Variants in STK36 observed in about 807,000 individuals in gnomAD.
STK36 encodes serine/threonine kinase 36.
A neutral mutation model predicts 142.2 loss-of-function variants in STK36; 116 were observed. The observed-to-expected ratio is 0.82, with a 90% CI of 0.70 to 0.95. STK36 has a LOEUF of 0.95. Among genes scored for constraint, STK36 ranks in the 40% least tolerant of loss-of-function variants. STK36 has a pLI of 0.00. For missense variants in STK36, 1,422 were observed against 1,617.2 expected (o/e 0.88, Z 2.07); for synonymous variants, 619 against 641.7 (o/e 0.96, Z 0.53).
intron 11 of STK36, 33 bp from the exon 12 acceptor site, chr2:218,688,664 T>C: frequency 1.3e-6 from 2 of 1,596,136 alleles, no homozygotes; most frequent in South Asian, 2.3e-5. Context: ...TCTGAAAATA[T>C]CAATCGTTGC....
At chr2:218,685,318 T>G in intron 11 of STK36, 90 bp downstream of exon 11, 1 of 1,532,866 alleles carries the variant, frequency 6.5e-7, no homozygotes, top group Non-Finnish European at 8.9e-7. Context: ...AAAGAGAAAG[T>G]TTGTCCTTTT....
Position 218,675,354 on chromosome 2 carries a change from T to C in STK36, c.315T>C (p.Ile105=), listed in dbSNP as rs752108232. The C allele has an allele frequency of 6.2e-7, 1 of 1,613,320 alleles. No individual in the cohort carries two copies. ...TCTTTAATTTCTAGGTTCAGGCCAT[T>C]GCTGCCCAGTTGGTGTCAGCCCTGT... ...GKLPEDQVQA[I]AAQLVSALYY... is the part of the protein sequence containing the mutation. The change falls in exon 5 of 27, where the codon ATT becomes ATC. Residue 105 remains isoleucine (I), a synonymous_variant. Coordinates refer to ENST00000295709, the MANE Select transcript of STK36 (RefSeq NM_015690.5).
rs1478433792 is a variant in STK36 at position 218,694,636 on chromosome 2, G to A, written c.2511+1G>A. 1 of 1,613,640 alleles carries A rather than the reference G, an allele frequency of 6.2e-7. No homozygotes were observed. The highest frequency in any genetic ancestry group is 8.5e-7 in the Non-Finnish European group (1 of 1,179,616). On this transcript the variant is annotated splice_donor_variant, in intron 21 of 26. Transcript: ENST00000295709. LOFTEE classifies it high-confidence loss of function. The surrounding 1 kb of genome is among the most constrained non-coding windows in gnomAD (Gnocchi z 4.4). The stretch of plus-strand genomic sequence containing the variant: ...ACATGCCTTGTCTGCCCCTGCAGAG[G>A]TGAGGCCCCCCAGGGAGGGCACAGA...
chr2:218,676,619 C>CT lies in STK36; in HGVS notation c.684+356dup, dbSNP rs779049295. ...ATAGAGAAAGGAAAGGTGCTACACG[C>CT]TTTTTTTTTTTTTTTGAGACACAGT... On this transcript the variant is annotated intron_variant, in intron 6 of 26. Transcript: ENST00000295709. 6.9e-3 allele frequency among the ~76,000 whole-genome samples: 870 copies of CT among 126,096 alleles called. 10 individuals carry two copies. Among genetic ancestry groups the CT allele is most frequent in the African/African-American group, 0.021 (716 of 34,278 alleles). The allele number at this position is 126,096 out of a possible 152,430, so 82.7% of individuals were successfully genotyped here.
rs746551583 is a variant in STK36 at position 218,697,124 on chromosome 2, T to C, written c.2672T>C (p.Leu891Pro). ...LWHRFSMVLR[L>P]PEEASAQEGE... is the part of the protein sequence containing the mutation. ...CACCGCTTCTCCATGGTCCTGAGGC[T>C]CCCCGAGGAGGCATCTGCACAGGAA... Residue 891 changes from leucine (L) to proline (P), a missense_variant, in exon 23 of 27, where the codon CTC (leucine) becomes CCC (proline). Physicochemically the swap from Leu to Pro is moderately conservative, Grantham distance 98 (BLOSUM62 -3). Transcript: ENST00000295709. 25 of 1,613,910 alleles carry C rather than the reference T, an allele frequency of 1.5e-5. No individual in the cohort carries two copies. The African/African-American group carries it at 3.1e-4, about 20-fold the overall frequency.
At chr2:218,698,158 C>T (rs945762472) in intron 25 of STK36, among the ~76,000 whole-genome samples, 157 bp downstream of exon 25, 16 of 152,134 alleles carry the variant, frequency 1.1e-4, no homozygotes, top group Admixed American at 9.2e-4. Context: ...CTCAGACCTG[C>T]GCATGTGGTG....
intron 10 of STK36, among the ~76,000 whole-genome samples, chr2:218,683,125 C>T (rs530049967): frequency 1.3e-5 from 2 of 152,200 alleles, no homozygotes; most frequent in African/African-American, 4.8e-5. Flanking sequence ...TTATTTGAGA[C>T]AGTGTCTTAT....
intron 15 of STK36, 40 bp downstream of exon 15, chr2:218,692,333 G>C (rs1941036143): frequency 5.6e-6 from 9 of 1,611,544 alleles, no homozygotes; most frequent in Non-Finnish European, 7.6e-6. Context: ...TGACTTACTT[G>C]TTGCATAGGT....
At position 218,679,605 on chromosome 2, in the gene STK36, G is replaced by C; in HGVS notation, c.824G>C (p.Ser275Thr). ...CCAGATTTGGGGACCCCATTCACCA[G>C]CCGCCTACCCCCAGAACTTCAGGTC... Reference protein sequence around the residue: ...AGPDLGTPFTSRLPPELQVLK... With the variant: ...AGPDLGTPFTTRLPPELQVLK... Residue 275 changes from serine (S) to threonine (T), a missense_variant, in exon 8 of 27, where the codon AGC becomes ACC. By Grantham distance (58) the Ser-to-Thr change is moderately conservative (BLOSUM62 1). Coordinates refer to ENST00000295709, the MANE Select transcript of STK36 (RefSeq NM_015690.5). 6.2e-7 allele frequency: 1 copy of C among 1,614,146 alleles called. No homozygotes were observed. Among genetic ancestry groups the C allele is most frequent in the Non-Finnish European group, 8.5e-7 (1 of 1,180,024 alleles).
chr2:218,698,629 C>CAAGTGGA lies in STK36; in HGVS notation c.3086_3092dup (p.Leu1032SerfsTer31). The CAAGTGGA allele has an allele frequency of 6.2e-7, 1 of 1,614,056 alleles. No individual in the cohort carries two copies. Among genetic ancestry groups the CAAGTGGA allele is most frequent in the Middle Eastern group, 1.6e-4 (1 of 6,062 alleles). On this transcript the variant is annotated frameshift_variant, in exon 26 of 27. Transcript: ENST00000295709. LOFTEE classifies it high-confidence loss of function. ...CTGCTGCTACCATCTTCCGTTGATG[C>CAAGTGGA]AAGTGGAGCTGCCCATCAGCCTTCT...
In STK36 at chr2:218,694,366, TA is replaced by T; in HGVS notation, c.2400+40del. 6.3e-7 allele frequency: 1 copy of T among 1,584,106 alleles called. No individual in the cohort carries two copies. Reference sequence around the variant, plus strand: ...CTTCACCCTCCTCCCCTTTTCACCCTAGCATCTACCCCTTGTGGAAGTGGGG... The same window carrying T: ...CTTCACCCTCCTCCCCTTTTCACCCTGCATCTACCCCTTGTGGAAGTGGGG... On this transcript the variant is annotated intron_variant, in intron 20 of 26. Transcript: ENST00000295709. The surrounding 1 kb of genome is among the most constrained non-coding windows in gnomAD (Gnocchi z 4.4).
At chr2:218,679,457 C>A in intron 7 of STK36, 103 bp from the exon 8 acceptor site, 1 of 1,422,144 alleles carries the variant, frequency 7.0e-7, no homozygotes, top group Non-Finnish European at 9.5e-7. Context: ...TCAAAATGAT[C>A]TTCTTCCACA....
intron 10 of STK36, among the ~76,000 whole-genome samples, chr2:218,684,263 C>A (rs1480839414): frequency 2.0e-5 from 3 of 151,548 alleles, no homozygotes; most frequent in Non-Finnish European, 4.4e-5. Context: ...AGGCATCTGC[C>A]ACCACACCCG....
chr2:218,690,194 A>G (rs777995609), intron 13 of STK36, among the ~76,000 whole-genome samples: 8 of 152,174 alleles, frequency 5.3e-5, no homozygotes, highest in Non-Finnish European at 1.0e-4. Flanking sequence ...GGAAGGGTCA[A>G]GATGTGAATA....
At chr2:218,679,383 C>A in intron 7 of STK36, 122 bp downstream of exon 7, 2 of 1,261,066 alleles carry the variant, frequency 1.6e-6, no homozygotes, top group South Asian at 1.4e-5. Context: ...CTTGAACTTT[C>A]TTCCTAGCCC....
chr2:218,676,702 G>A (rs990176839), intron 6 of STK36, among the ~76,000 whole-genome samples: 13 of 148,846 alleles, frequency 8.7e-5, no homozygotes, highest in African/African-American at 2.7e-4. Flanking sequence ...AGGCTGGAGT[G>A]TAGTGGCGTG....
chr2:218,699,669 A>G (rs539776255), intron 26 of STK36, among the ~76,000 whole-genome samples: 6 of 151,824 alleles, frequency 4.0e-5, no homozygotes, highest in South Asian at 4.2e-4. Context: ...TCTGTGTGCC[A>G]TGAAGGTGCT....
At chr2:218,693,439 A>G in intron 17 of STK36, 95 bp downstream of exon 17, 2 of 1,239,854 alleles carry the variant, frequency 1.6e-6, no homozygotes, top group South Asian at 1.4e-5. Context: ...GGACTAAAAG[A>G]GAGAGAGACT....
In STK36 at chr2:218,672,150, C is replaced by G; in HGVS notation, c.-155C>G. ...CAGGAAGTGCCCATGTGTGGTCCGC[C>G]GTCCATTCCACACCTCTGAGCGCCT... On this transcript the variant is annotated 5_prime_UTR_variant, in exon 1 of 27. Transcript: ENST00000295709. 1 of 672,902 alleles carries G rather than the reference C, an allele frequency of 1.5e-6. No homozygotes were observed. 41.7% of individuals were successfully genotyped at this position (672,902 alleles called of 1,614,324 possible).
Sources: allele counts gnomAD v4.1 joint callset (sites outside exome capture counted in the v4.1 genomes callset), GRCh38; gene constraint gnomAD v4.1.1; non-coding constraint Gnocchi (gnomAD v3.1); transcripts MANE v1.5; gene names NCBI Gene and HGNC (gene_info 2026-07-23, HGNC 2026-07-21).